TRIM9: variants seen among roughly 807,000 people sequenced by gnomAD.
The protein encoded by TRIM9 is tripartite motif containing 9, also known as E3 ubiquitin-protein ligase TRIM9.
A neutral mutation model predicts 78.3 loss-of-function variants in TRIM9; 26 were observed. That is an observed-to-expected ratio of 0.33 (90% CI 0.24 to 0.46). The LOEUF is 0.46. Among genes scored for constraint, TRIM9 ranks in the 20% least tolerant of loss-of-function variants. The pLI is 1.00. For missense variants in TRIM9, 787 were observed against 1,036.4 expected (o/e 0.76, Z 3.30); for synonymous variants, 398 against 416.5 (o/e 0.96, Z 0.54).
At chr14:51,071,189 C>A (rs1312837282) in intron 1 of TRIM9, among the ~76,000 whole-genome samples, 4 of 151,750 alleles carry the variant, frequency 2.6e-5, no homozygotes, top group African/African-American at 9.7e-5. Flanking sequence ...CCAGCCCGGA[C>A]AACATGGCAA....
chr14:51,033,074 T>G (rs2058865980), intron 1 of TRIM9, among the ~76,000 whole-genome samples: 1 of 152,152 alleles, frequency 6.6e-6, no homozygotes, highest in South Asian at 2.1e-4. Flanking sequence ...AATCAACCAA[T>G]GTTATTTTTA....
intron 5 of TRIM9, among the ~76,000 whole-genome samples, chr14:51,005,456 G>A (rs1038191864): frequency 6.6e-6 from 1 of 152,156 alleles, no homozygotes; most frequent in African/African-American, 2.4e-5. Flanking sequence ...TTTCACTTCA[G>A]TACCATGACT....
intron 4 of TRIM9, 86 bp downstream of exon 4, chr14:51,010,298 A>G: frequency 9.5e-7 from 1 of 1,049,830 alleles, no homozygotes; most frequent in East Asian, 2.4e-5. Context: ...AGGCCCACCC[A>G]GGGCTGTTGG....
chr14:51,066,444 G>C (rs2061748548), intron 1 of TRIM9, among the ~76,000 whole-genome samples: 1 of 152,092 alleles, frequency 6.6e-6, no homozygotes, highest in Non-Finnish European at 1.5e-5. Context: ...ACTAGGTTCT[G>C]GAACACCACA....
chr14:50,989,030 T>C (rs2053132898), intron 7 of TRIM9, among the ~76,000 whole-genome samples: 1 of 152,190 alleles, frequency 6.6e-6, no homozygotes, highest in African/African-American at 2.4e-5. Context: ...TCTCCAATTG[T>C]AGCGTTACTA....
intron 6 of TRIM9, among the ~76,000 whole-genome samples, chr14:51,000,242 T>A (rs942792059): frequency 5.3e-5 from 8 of 152,232 alleles, no homozygotes; most frequent in Non-Finnish European, 8.8e-5. Context: ...TAATAATAAC[T>A]AATAATGAAC....
chr14:51,043,229 T>C (rs183094140), intron 1 of TRIM9, among the ~76,000 whole-genome samples: 5 of 152,146 alleles, frequency 3.3e-5, no homozygotes, highest in African/African-American at 7.2e-5. Flanking sequence ...GAGTTATGTA[T>C]AAAAAGAAGA....
rs554654108 is a variant in TRIM9 at position 50,977,216 on chromosome 14, G to A, written c.*75C>T. The A allele has an allele frequency of 4.6e-5, 59 of 1,286,360 alleles. No homozygotes were observed. Among genetic ancestry groups the A allele is most frequent in the African/African-American group, 3.5e-4 (23 of 65,512 alleles). 79.7% of individuals were successfully genotyped at this position (1,286,360 alleles called of 1,614,324 possible). A position where few individuals can be genotyped will look rare whatever the true frequency, so the allele number is the denominator to read the frequency against. On this transcript the variant is annotated 3_prime_UTR_variant, in exon 13 of 13. Transcript: ENST00000684578. The stretch of plus-strand genomic sequence containing the variant: ...TCCTGCCAACTCTGCACCCCACCAC[G>A]GCTGGCTGAGCTCCTTGCTGTGGCT...
chr14:50,978,474 G>A (rs2051354375), intron 12 of TRIM9, among the ~76,000 whole-genome samples: 1 of 152,142 alleles, frequency 6.6e-6, no homozygotes, highest in African/African-American at 2.4e-5. Flanking sequence ...GGCCCCTCAT[G>A]CCTTAGAAAC....
intron 7 of TRIM9, among the ~76,000 whole-genome samples, chr14:50,987,563 T>G (rs991578458): frequency 6.6e-6 from 1 of 152,228 alleles, no homozygotes; most frequent in African/African-American, 2.4e-5. Context: ...TTCTCCTACC[T>G]AAACTTCATA....
At chr14:50,990,487 C>G (rs1189419996) in intron 7 of TRIM9, among the ~76,000 whole-genome samples, 3 of 152,156 alleles carry the variant, frequency 2.0e-5, no homozygotes, top group Non-Finnish European at 4.4e-5. Context: ...TTGGTTTTTA[C>G]ACTTCTGGGG....
At chr14:51,025,171 GAC>G (rs2058100165) in intron 2 of TRIM9, 92 bp downstream of exon 2, 1 of 1,136,966 alleles carries the variant, frequency 8.8e-7, no homozygotes, top group South Asian at 1.4e-5. Flanking sequence ...ATTTTCCCAC[GAC>G]ACATAAAAAT....
intron 7 of TRIM9, 118 bp downstream of exon 7, chr14:50,997,932 G>C (rs1421110194): frequency 9.8e-6 from 15 of 1,526,198 alleles, no homozygotes; most frequent in South Asian, 1.3e-5. Flanking sequence ...GCAGAATGCA[G>C]AGCAAGTCAT....
chr14:50,986,477 T>C (rs955485038), intron 7 of TRIM9: 1 of 177,880 alleles, frequency 5.6e-6, no homozygotes, highest in Non-Finnish European at 1.2e-5. Flanking sequence ...ATTTTACCTA[T>C]TGATGACCAA....
chr14:51,081,963 C>A (rs1256536740), intron 1 of TRIM9, among the ~76,000 whole-genome samples: 1 of 152,188 alleles, frequency 6.6e-6, no homozygotes, highest in Non-Finnish European at 1.5e-5. Context: ...CTCCAGCCAC[C>A]CTCCCTGCCC....
intron 4 of TRIM9, among the ~76,000 whole-genome samples, chr14:51,010,129 C>T (rs1194199679): frequency 4.4e-5 from 2 of 45,164 alleles, no homozygotes; most frequent in South Asian, 8.8e-4. Flanking sequence ...GAAAAAGAAG[C>T]GAAAAAAAAA....
chr14:50,983,733 T>C (rs2139327198), intron 8 of TRIM9, among the ~76,000 whole-genome samples: 1 of 152,318 alleles, frequency 6.6e-6, no homozygotes, highest in Non-Finnish European at 1.5e-5. Flanking sequence ...CTAGCTGTTT[T>C]AAAAATGGGG....
At chr14:51,036,195 A>G (rs1161146541) in intron 1 of TRIM9, among the ~76,000 whole-genome samples, 1 of 152,344 alleles carries the variant, frequency 6.6e-6, no homozygotes, top group East Asian at 1.9e-4. Context: ...CCACGGCACA[A>G]AAAAGCCAAC....
chr14:51,080,484 G>C (rs1448955277), intron 1 of TRIM9, among the ~76,000 whole-genome samples: 1 of 147,034 alleles, frequency 6.8e-6, no homozygotes, highest in Admixed American at 6.8e-5. Flanking sequence ...CACACACGGA[G>C]AAACAACTAA....
Sources: allele counts gnomAD v4.1 joint callset (sites outside exome capture counted in the v4.1 genomes callset), GRCh38; gene constraint gnomAD v4.1.1; transcripts MANE v1.5; gene names NCBI Gene and HGNC (gene_info 2026-07-23, HGNC 2026-07-21).